Variants in STK32B observed in about 807,000 individuals in gnomAD.
STK32B encodes the protein serine/threonine kinase 32B.
STK32B carries 43 observed loss-of-function variants against 52.6 expected under a neutral mutation model. The observed-to-expected ratio is 0.82, with a 90% confidence interval of 0.64 to 1.05. The LOEUF (loss-of-function observed/expected upper bound fraction) is 1.05. Among genes scored for constraint, STK32B ranks in the 50% least tolerant of loss-of-function variants. The pLI is 0.00. For missense variants in STK32B, 621 were observed against 534.6 expected (o/e 1.16, Z -1.59); for synonymous variants, 238 against 204.3 (o/e 1.17, Z -1.41).
rs1043902512 is a variant in STK32B, at chr4:5,469,732, C to T, written c.1106+1662C>T. ...GCAAGCCTCACCTGCTAGAGGACCA[C>T]ATGTTGGGGTCTCCCAGCTCTGGCC... On this transcript the variant is annotated intron_variant, in intron 11 of 11. Transcript: ENST00000282908. This position sits in a 1 kb window ranked among gnomAD's most constrained non-coding sequence, Gnocchi z 4.7. 6.6e-6 allele frequency among the ~76,000 whole-genome samples: 1 copy of T among 152,240 alleles called. No homozygotes were observed. The highest frequency in any genetic ancestry group is 1.5e-5 in the Non-Finnish European group (1 of 68,040).
At position 5,205,337 on chromosome 4, in the gene STK32B, G is replaced by T. The variant is rs1265877306; in HGVS notation, c.260+36887G>T. 2.6e-5 allele frequency among the ~76,000 whole-genome samples: 4 copies of T among 152,192 alleles called. No homozygotes were observed. In the East Asian group the frequency reaches 5.8e-4, roughly 22 times the overall value. ...GAGGCAGTACAATCTCCATAATCCT[G>T]TGAGCCAATGTCTATAGTAAATCTC... On this transcript the variant is annotated intron_variant, in intron 3 of 11. Transcript: ENST00000282908.
At chr4:5,122,616 T>C (rs1178113663) in intron 1 of STK32B, among the ~76,000 whole-genome samples, 4 of 151,892 alleles carry the variant, frequency 2.6e-5, no homozygotes, top group East Asian at 3.9e-4. Flanking sequence ...CACTTATTCA[T>C]TCCCTGACTC....
chr4:5,445,512 G>C (rs1715319447), intron 6 of STK32B, among the ~76,000 whole-genome samples: 1 of 152,122 alleles, frequency 6.6e-6, no homozygotes, highest in Non-Finnish European at 1.5e-5. Flanking sequence ...GGCCTAGTGA[G>C]GTGGAGGTGA....
chr4:5,027,150 CT>C, the STK32B span, among the ~76,000 whole-genome samples: 1 of 152,174 alleles, frequency 6.6e-6, no homozygotes, highest in Non-Finnish European at 1.5e-5. Context: ...ACATCTTCCC[CT>C]GTTTATGTGA....
At chr4:5,459,221 AC>A (rs1441056098) in intron 8 of STK32B, among the ~76,000 whole-genome samples, 5 of 151,616 alleles carry the variant, frequency 3.3e-5, no homozygotes, top group African/African-American at 4.9e-5. Context: ...TTCTGCAGTG[AC>A]AGGTGTGTGT....
intron 1 of STK32B, among the ~76,000 whole-genome samples, chr4:5,060,597 T>TACTC (rs10677627): frequency 0.38 from 57,881 of 151,684 alleles, 11,933 homozygotes; most frequent in Middle Eastern, 0.49. Context: ...TGATTATACT[T>TACTC]ACGTATTCTA....
At chr4:5,255,364 A>G (rs1241859772) in intron 3 of STK32B, among the ~76,000 whole-genome samples, 2 of 152,190 alleles carry the variant, frequency 1.3e-5, no homozygotes, top group Admixed American at 1.3e-4. Context: ...TTATTTTCAG[A>G]TCATCACAAC....
At chr4:5,371,797 A>G (rs867188109) in intron 4 of STK32B, among the ~76,000 whole-genome samples, 57 of 152,366 alleles carry the variant, frequency 3.7e-4, no homozygotes, top group Admixed American at 1.8e-3. Flanking sequence ...ATGAAACTGT[A>G]TTTCCAAAAT....
At chr4:5,099,464 G>A (rs1049509342) in intron 1 of STK32B, among the ~76,000 whole-genome samples, 1 of 142,296 alleles carries the variant, frequency 7.0e-6, no homozygotes, top group African/African-American at 2.5e-5. Context: ...GCGCGCGTAT[G>A]TGATGTGTTC....
At chr4:5,439,878 T>A (rs1464828620) in intron 6 of STK32B, among the ~76,000 whole-genome samples, 1 of 152,116 alleles carries the variant, frequency 6.6e-6, no homozygotes, top group East Asian at 1.9e-4. Flanking sequence ...CCCCATTGCT[T>A]GTTTTTCTCA....
At chr4:5,144,373 C>A (rs377121569) in intron 2 of STK32B, among the ~76,000 whole-genome samples, 1 of 152,094 alleles carries the variant, frequency 6.6e-6, no homozygotes, top group Admixed American at 6.5e-5. Flanking sequence ...AATGTTGATT[C>A]TTTTGTTGCT....
chr4:5,078,426 G>A (rs945875830), intron 1 of STK32B, among the ~76,000 whole-genome samples: 4 of 152,194 alleles, frequency 2.6e-5, no homozygotes, highest in African/African-American at 9.6e-5. Context: ...GACATGATAT[G>A]AAAAGAGGAA....
At chr4:5,196,449 G>C (rs943814522) in intron 3 of STK32B, among the ~76,000 whole-genome samples, 1 of 151,542 alleles carries the variant, frequency 6.6e-6, no homozygotes, top group South Asian at 2.1e-4. Flanking sequence ...AGGGCCGGGG[G>C]CAGTGGCTGA....
Position 5,400,337 on chromosome 4 carries a change from GC to G in STK32B, c.472+2095del, listed in dbSNP as rs1314022324. ...GTACCCATTCTCAGCCTCCACCTCA[GC>G]CTTCCCCACATTCTTTCTGCATCTC... On this transcript the variant is annotated intron_variant, in intron 5 of 11. Coordinates refer to ENST00000282908, the MANE Select transcript of STK32B (RefSeq NM_018401.3). This position sits in a 1 kb window ranked among gnomAD's most constrained non-coding sequence, Gnocchi z 6.1. Among the ~76,000 whole-genome samples the G allele has an allele frequency of 1.3e-5, 2 of 152,102 alleles. No homozygotes were observed. Among genetic ancestry groups the G allele is most frequent in the African/African-American group, 4.8e-5 (2 of 41,442 alleles).
At position 5,331,376 on chromosome 4, in the gene STK32B, G is replaced by C; in HGVS notation, c.417G>C (p.Arg139Ser). Reference sequence around the variant, plus strand: ...CACTGGCCCTGGAGTATCTTCAGAGGTACCACATCATCCACAGGTAACTGG... The same window carrying C: ...CACTGGCCCTGGAGTATCTTCAGAGCTACCACATCATCCACAGGTAACTGG... ...ELALALEYLQ[R>S]YHIIHRDIKP... Residue 139 changes from arginine to serine, a missense_variant, in exon 4 of 12, where the codon AGG becomes AGC. Physicochemically the swap from Arg to Ser is moderately radical, Grantham distance 110. Transcript: ENST00000282908. The C allele has an allele frequency of 6.2e-7, 1 of 1,612,360 alleles. No individual in the cohort carries two copies. The highest frequency in any genetic ancestry group is 8.5e-7 in the Non-Finnish European group (1 of 1,179,094).
intron 3 of STK32B, among the ~76,000 whole-genome samples, chr4:5,282,248 G>A (rs915214355): frequency 6.6e-6 from 1 of 152,050 alleles, no homozygotes; most frequent in African/African-American, 2.4e-5. Flanking sequence ...ACATGAAACT[G>A]GCCCTCTGCA....
intron 6 of STK32B, among the ~76,000 whole-genome samples, chr4:5,442,259 C>G (rs996891490): frequency 6.7e-6 from 1 of 148,450 alleles, no homozygotes; most frequent in Non-Finnish European, 1.5e-5. Flanking sequence ...GTAGGTCACT[C>G]AGGACTTGCT....
At chr4:5,474,719 G>T (rs1718105193) in intron 11 of STK32B, among the ~76,000 whole-genome samples, 1 of 152,172 alleles carries the variant, frequency 6.6e-6, no homozygotes, top group Non-Finnish European at 1.5e-5. Flanking sequence ...CCTTCTGTGT[G>T]CTGGCCATGG....
At chr4:5,441,008 A>G (rs1714687027) in intron 6 of STK32B, among the ~76,000 whole-genome samples, 1 of 150,236 alleles carries the variant, frequency 6.7e-6, no homozygotes, top group African/African-American at 2.4e-5. Context: ...TCGTTTTGCC[A>G]GTATTTTATT....
Sources: allele counts gnomAD v4.1 joint callset (sites outside exome capture counted in the v4.1 genomes callset), GRCh38; gene constraint gnomAD v4.1.1; non-coding constraint Gnocchi (gnomAD v3.1); transcripts MANE v1.5; gene names NCBI Gene and HGNC (gene_info 2026-07-23, HGNC 2026-07-21).